Variants in KIFBP observed in about 807,000 individuals in gnomAD.
The protein encoded by KIFBP is KIF-binding protein.
Under a neutral mutation model 58.9 loss-of-function variants are expected in KIFBP, and 46 were observed. The observed-to-expected ratio is 0.78, with a 90% confidence interval of 0.62 to 1.00. KIFBP has a LOEUF of 1.00. Among genes scored for constraint, KIFBP ranks in the 50% least tolerant of loss-of-function variants. The pLI, the probability that KIFBP is intolerant of heterozygous loss-of-function variation, is 0.00. For missense variants in KIFBP, 651 were observed against 752.9 expected (o/e 0.86, Z 1.58); for synonymous variants, 241 against 283.4 (o/e 0.85, Z 1.50).
intron 1 of KIFBP, chr10:68,991,452 C>T (rs965965928): frequency 4.4e-5 from 17 of 389,750 alleles, no homozygotes; most frequent in African/African-American, 3.4e-4. Flanking sequence ...GTCCAGAAAC[C>T]AGAGCAAGTT....
chr10:68,991,693 G>A (rs1554842294), intron 1 of KIFBP: 1 of 170,034 alleles, frequency 5.9e-6, no homozygotes, highest in Non-Finnish European at 1.3e-5. Flanking sequence ...AAGGCTGTGG[G>A]CCTGAGAGTG....
At chr10:69,015,440 A>G in intron 6 of KIFBP, 101 bp from the exon 7 acceptor site, 1 of 1,151,392 alleles carries the variant, frequency 8.7e-7, no homozygotes, top group Non-Finnish European at 1.3e-6. Context: ...CTGGAAAGTA[A>G]GAGACTTCTC....
chr10:68,990,035 A>C lies in KIFBP; in HGVS notation c.426+777A>C, dbSNP rs537993353. 1.1e-4 allele frequency among the ~76,000 whole-genome samples: 17 copies of C among 152,274 alleles called. No individual in the cohort carries two copies. In the East Asian group the frequency reaches 3.1e-3, roughly 28 times the overall value. On this transcript the variant is annotated intron_variant, in intron 1 of 6. Coordinates refer to ENST00000361983, the MANE Select transcript of KIFBP (RefSeq NM_015634.4). ...CTTAATTCAAAATAAAATGTCCAAA[A>C]TCTGCAGCTTCCTTTCTTACCAAAT...
Position 69,010,984 on chromosome 10 carries a change from C to T in KIFBP, c.959C>T (p.Thr320Ile), listed in dbSNP as rs1843583916. 6.2e-7 allele frequency: 1 copy of T among 1,613,728 alleles called. No individual in the cohort carries two copies. The highest frequency in any genetic ancestry group is 1.3e-5 in the African/African-American group (1 of 74,922). ...IARCWIKYCLTLMQNAQLSMQ... is the reference protein window; with the variant it reads ...IARCWIKYCLILMQNAQLSMQ... The stretch of plus-strand genomic sequence containing the variant: ...AGGTGCTGGATCAAATACTGTTTGA[C>T]TCTCATGCAGAATGCCCAACTCTCC... Residue 320 changes from threonine (T) to isoleucine (I), a missense_variant, in exon 6 of 7, where the codon ACT (threonine) becomes ATT (isoleucine). Physicochemically the swap from Thr to Ile is moderately conservative, Grantham distance 89 (BLOSUM62 -1). Coordinates refer to ENST00000361983, the MANE Select transcript of KIFBP (RefSeq NM_015634.4).
At chr10:68,990,519 G>C (rs1462152850) in intron 1 of KIFBP, among the ~76,000 whole-genome samples, 6 of 152,122 alleles carry the variant, frequency 3.9e-5, no homozygotes, top group African/African-American at 1.4e-4. Flanking sequence ...TGCAGTCTGG[G>C]TGACAGAGCA....
Position 69,016,042 on chromosome 10 carries a change from C to G in KIFBP, c.1492C>G (p.Pro498Ala), listed in dbSNP as rs1838998585. The change falls in exon 7 of 7, where the codon CCT becomes GCT. Residue 498 changes from proline to alanine, a missense_variant. Pro to Ala is a conservative substitution (Grantham distance 27). Transcript: ENST00000361983. ...KVAIADRLRD[P>A]DSHIVKKINN... ...TGCCATTGCTGACAGGCTAAGGGATCCTGATTCACACATTGTAAAAAAAAT... is the reference window on the plus strand; with the variant it reads ...TGCCATTGCTGACAGGCTAAGGGATGCTGATTCACACATTGTAAAAAAAAT... 7 of 1,613,978 alleles carry G rather than the reference C, an allele frequency of 4.3e-6. No homozygotes were observed. Among genetic ancestry groups the G allele is most frequent in the Non-Finnish European group, 5.9e-6 (7 of 1,180,034 alleles).
At position 68,989,033 on chromosome 10, in the gene KIFBP, G is replaced by A; in HGVS notation, c.201G>A (p.Pro67=). The change falls in exon 1 of 7, where the codon CCG becomes CCA. Residue 67 remains proline (P), a synonymous_variant. Transcript: ENST00000361983. ...AGCGGCCTGAGGCCGAGGACGGCCC[G>A]GGTGCCGGTGACCACGCCCTGGGGC... is the stretch of plus-strand genomic sequence containing the variant. ...EDERPEAEDG[P]GAGDHALGLP... The A allele has an allele frequency of 6.2e-7, 1 of 1,613,598 alleles. No homozygotes were observed. The highest frequency in any genetic ancestry group is 2.2e-5 in the East Asian group (1 of 44,866).
At chr10:68,991,581 G>A (rs778221133) in intron 1 of KIFBP, 233 of 402,378 alleles carry the variant, frequency 5.8e-4, no homozygotes, top group Middle Eastern at 8.8e-4. Context: ...GTCATCACGT[G>A]CAGTACAAAA....
intron 4 of KIFBP, among the ~76,000 whole-genome samples, chr10:69,006,597 A>G (rs1843538995): frequency 6.6e-6 from 1 of 152,182 alleles, no homozygotes; most frequent in African/African-American, 2.4e-5. Flanking sequence ...ATAATTTTAC[A>G]CCACCTTTTC....
chr10:69,016,522 C>A lies in KIFBP; in HGVS notation c.*106C>A. ...GTTTACCTTTATAGCCAGGTGAGTG[C>A]AGTTTGAACTTGAGATACAGTCAAC... On this transcript the variant is annotated 3_prime_UTR_variant, in exon 7 of 7. Coordinates refer to ENST00000361983, the MANE Select transcript of KIFBP (RefSeq NM_015634.4). 4 of 1,160,794 alleles carry A rather than the reference C, an allele frequency of 3.4e-6. No individual in the cohort carries two copies. Among genetic ancestry groups the A allele is most frequent in the Non-Finnish European group, 3.8e-6 (3 of 792,644 alleles). The allele number at this position is 1,160,794 out of a possible 1,614,324, so 71.9% of individuals were successfully genotyped here.
chr10:69,002,818 G>A (rs1236205836), intron 2 of KIFBP, among the ~76,000 whole-genome samples: 1 of 151,972 alleles, frequency 6.6e-6, no homozygotes, highest in African/African-American at 2.4e-5. Flanking sequence ...AGTCCGGGAG[G>A]GCAGTCCAGG....
At chr10:68,991,731 T>C (rs2255867) in intron 1 of KIFBP, 12,233 of 155,804 alleles carry the variant, frequency 0.079, 674 homozygotes, top group African/African-American at 0.15. Flanking sequence ...CCCATGCAGA[T>C]GGTTTGCCAC....
At chr10:68,989,459 A>G (rs184144223) in intron 1 of KIFBP, 6 of 621,798 alleles carry the variant, frequency 9.6e-6, no homozygotes. Context: ...TAGATCTCCC[A>G]CAGTCGGCCG....
chr10:69,003,985 G>T (rs1378794926), intron 2 of KIFBP, among the ~76,000 whole-genome samples: 1 of 152,010 alleles, frequency 6.6e-6, no homozygotes, highest in Non-Finnish European at 1.5e-5. Context: ...CTTTGCGGGG[G>T]CCGAGGCAGG....
At chr10:68,992,281 A>C (rs753099646) in intron 1 of KIFBP, among the ~76,000 whole-genome samples, 12 of 152,144 alleles carry the variant, frequency 7.9e-5, no homozygotes, top group African/African-American at 2.9e-4. Context: ...AGTATAAGCC[A>C]CTGTGTCTGG....
chr10:69,008,528 C>G (rs1843560753), intron 4 of KIFBP, among the ~76,000 whole-genome samples: 1 of 150,368 alleles, frequency 6.7e-6, no homozygotes, highest in African/African-American at 2.5e-5. Flanking sequence ...TCTAGGATGA[C>G]AGCCATTCCT....
At chr10:68,990,165 C>A (rs143136079) in intron 1 of KIFBP, among the ~76,000 whole-genome samples, 268 of 152,296 alleles carry the variant, frequency 1.8e-3, no homozygotes, top group African/African-American at 6.1e-3. Context: ...TTGGGCCAAA[C>A]TGATCTCTCC....
Position 68,994,703 on chromosome 10 carries a change from C to T in KIFBP, c.426+5445C>T, listed in dbSNP as rs568734693. Among the ~76,000 whole-genome samples the T allele has an allele frequency of 9.1e-4, 139 of 152,106 alleles. 1 individual carries two copies. The highest frequency in any genetic ancestry group is 3.3e-3 in the African/African-American group (135 of 41,472). On this transcript the variant is annotated intron_variant, in intron 1 of 6. Coordinates refer to ENST00000361983, the MANE Select transcript of KIFBP (RefSeq NM_015634.4). ...CACAGATTCATTGAGTTGCAATTGG[C>T]ATATAATAAACTGCACATATTTTTA...
intron 4 of KIFBP, among the ~76,000 whole-genome samples, chr10:69,006,545 AC>A (rs1843538375): frequency 6.6e-6 from 1 of 152,162 alleles, no homozygotes; most frequent in African/African-American, 2.4e-5. Flanking sequence ...CTCTTAATTG[AC>A]CCATTTATTC....
Sources: gnomAD v4.1 joint callset for allele counts (sites outside exome capture counted in the v4.1 genomes callset) on GRCh38, gnomAD v4.1.1 for gene constraint, MANE v1.5 for transcripts, NCBI Gene and HGNC (gene_info 2026-07-23, HGNC 2026-07-21) for gene names.